Variants in ITK observed in about 807,000 individuals in gnomAD.
The protein encoded by ITK is tyrosine-protein kinase ITK/TSK.
Under a neutral mutation model 87.6 loss-of-function variants are expected in ITK, and 45 were observed. The observed-to-expected ratio is 0.51, with a 90% CI of 0.40 to 0.66. ITK has a LOEUF of 0.66. ITK is among the 30% of genes least tolerant of loss of function. The pLI, the probability that ITK is intolerant of heterozygous loss-of-function variation, is 0.00. For synonymous variants in ITK, 303 were observed against 273.6 expected (o/e 1.11, Z -1.06); for missense variants, 605 against 766.3 (o/e 0.79, Z 2.48).
chr5:157,243,928 G>T (rs1754966216), intron 12 of ITK, 134 bp downstream of exon 12: 4 of 840,616 alleles, frequency 4.8e-6, no homozygotes, highest in South Asian at 1.4e-5. Context: ...ATTGCACAGA[G>T]AATACAATCA....
At position 157,238,203 on chromosome 5, in the gene ITK, A is replaced by ACTCTGCT; in HGVS notation, c.851+14_851+20dup. The ACTCTGCT allele has an allele frequency of 1.9e-6, 3 of 1,601,106 alleles. No individual in the cohort carries two copies. The East Asian group carries it at 6.7e-5, about 36-fold the overall frequency. On this transcript the variant is annotated intron_variant, in intron 9 of 16. Coordinates refer to ENST00000422843, the MANE Select transcript of ITK (RefSeq NM_005546.4). ...AAGGCTGTTGTAAGGTATGGAGCTA[A>ACTCTGCT]CTCTGCTCAGCAAAGTGGAGAGAAA... is the stretch of plus-strand genomic sequence containing the variant.
intron 1 of ITK, among the ~76,000 whole-genome samples, chr5:157,208,103 A>G (rs1754118440): frequency 6.6e-6 from 1 of 152,226 alleles, no homozygotes. Flanking sequence ...ATCCAGAAGC[A>G]CTTTCCTAAC....
At chr5:157,206,384 G>A (rs1754080093) in intron 1 of ITK, among the ~76,000 whole-genome samples, 1 of 152,150 alleles carries the variant, frequency 6.6e-6, no homozygotes. Flanking sequence ...TTGGTATCAG[G>A]ATGATGCTGG....
rs927124680 is a variant in ITK, at chr5:157,235,189, T to C, written c.768+2795T>C. Reference sequence around the variant, plus strand: ...CACTTAAGGGGGACCTGGGTGATCATAAGCATCACTGCAGGAGCTTTTTAA... The same window carrying C: ...CACTTAAGGGGGACCTGGGTGATCACAAGCATCACTGCAGGAGCTTTTTAA... On this transcript the variant is annotated intron_variant, in intron 8 of 16. Coordinates refer to ENST00000422843, the MANE Select transcript of ITK (RefSeq NM_005546.4). Among the ~76,000 whole-genome samples, 6 of 152,192 alleles carry C rather than the reference T, an allele frequency of 3.9e-5. No individual in the cohort carries two copies. In the East Asian group the frequency reaches 9.6e-4, roughly 24 times the overall value.
chr5:157,245,915 G>A lies in ITK; in HGVS notation c.1549G>A (p.Gly517Ser), dbSNP rs1269237978. Reference sequence around the variant, plus strand: ...GGATGATCAGTACACCAGTTCCACAGGCACCAAATTCCCGGTGAAGTGGGC... The same window carrying A: ...GGATGATCAGTACACCAGTTCCACAAGCACCAAATTCCCGGTGAAGTGGGC... ...VLDDQYTSSTGTKFPVKWASP... is the reference protein window; with the variant it reads ...VLDDQYTSSTSTKFPVKWASP... The change falls in exon 15 of 17, where the codon GGC becomes AGC. Residue 517 changes from glycine to serine, a missense_variant. By Grantham distance (56) the Gly-to-Ser change is moderately conservative. Coordinates refer to ENST00000422843, the MANE Select transcript of ITK (RefSeq NM_005546.4). The A allele has an allele frequency of 6.2e-7, 1 of 1,614,184 alleles. No homozygotes were observed. Among genetic ancestry groups the A allele is most frequent in the South Asian group, 1.1e-5 (1 of 91,088 alleles).
intron 6 of ITK, chr5:157,224,265 C>T (rs1754486179): frequency 6.7e-6 from 1 of 148,496 alleles, no homozygotes; most frequent in South Asian, 2.1e-4. Flanking sequence ...GCCTGAGCGA[C>T]AGAGCAAGAC....
At chr5:157,236,694 T>A (rs1754782036) in intron 8 of ITK, among the ~76,000 whole-genome samples, 1 of 152,204 alleles carries the variant, frequency 6.6e-6, no homozygotes, top group Non-Finnish European at 1.5e-5. Context: ...GAGTGTTAGA[T>A]AGGAAGTACT....
At chr5:157,216,726 A>G (rs1754305515) in intron 4 of ITK, among the ~76,000 whole-genome samples, 1 of 152,180 alleles carries the variant, frequency 6.6e-6, no homozygotes, top group Non-Finnish European at 1.5e-5. Context: ...GCTCACAGCT[A>G]GTATTGGTGA....
chr5:157,187,275 C>CAGCTTTAT (rs1444309940), intron 1 of ITK, among the ~76,000 whole-genome samples: 3 of 152,200 alleles, frequency 2.0e-5, no homozygotes, highest in Non-Finnish European at 4.4e-5. Flanking sequence ...ATTGAACTAT[C>CAGCTTTAT]AGCTTTATGA....
intron 6 of ITK, among the ~76,000 whole-genome samples, chr5:157,227,097 G>C (rs528157176): frequency 6.6e-6 from 1 of 152,288 alleles, no homozygotes; most frequent in South Asian, 2.1e-4. Context: ...TAGGATTACA[G>C]GTGTGAGCCA....
intron 1 of ITK, among the ~76,000 whole-genome samples, chr5:157,182,849 C>A (rs1014081686): frequency 3.9e-5 from 6 of 152,136 alleles, no homozygotes; most frequent in Non-Finnish European, 8.8e-5. Context: ...GTGAATTCAG[C>A]TCAATATTAT....
chr5:157,191,332 C>A (rs984142180), intron 1 of ITK, among the ~76,000 whole-genome samples: 3 of 151,986 alleles, frequency 2.0e-5, no homozygotes, highest in African/African-American at 4.8e-5. Flanking sequence ...TGGTGTATAA[C>A]CTGCGTCAGG....
In ITK at chr5:157,213,552, C is replaced by CTT. The variant is rs143962660; in HGVS notation, c.326-631_326-630dup. 1,531 of 433,492 alleles carry CTT rather than the reference C, an allele frequency of 3.5e-3. 1 individual carries two copies. Among genetic ancestry groups the CTT allele is most frequent in the Non-Finnish European group, 4.7e-3 (1,012 of 216,666 alleles). The allele number at this position is 433,492 out of a possible 1,614,324, so 26.9% of individuals were successfully genotyped here. A position where few individuals can be genotyped will look rare whatever the true frequency, so the allele number is the denominator to read the frequency against. ...GACACCATGCCCAGCTAACTTTTTT[C>CTT]TTTTTTTTTGGTAGAAAAGGGGTCT... On this transcript the variant is annotated intron_variant, in intron 3 of 16. Transcript: ENST00000422843.
intron 5 of ITK, among the ~76,000 whole-genome samples, chr5:157,219,050 C>T (rs1754359007): frequency 6.6e-6 from 1 of 150,938 alleles, no homozygotes; most frequent in Non-Finnish European, 1.5e-5. Context: ...GGATCATGAC[C>T]TTTAGGTAGG....
intron 2 of ITK, among the ~76,000 whole-genome samples, chr5:157,209,947 A>G (rs1467447727): frequency 6.8e-6 from 1 of 147,170 alleles, no homozygotes; most frequent in Non-Finnish European, 1.5e-5. Flanking sequence ...TTTTTTTGAG[A>G]CAGAGTCTCA....
intron 11 of ITK, 31 bp downstream of exon 11, chr5:157,241,751 T>C (rs1367194122): frequency 1.9e-6 from 3 of 1,565,108 alleles, no homozygotes. Context: ...TGTAAACTCA[T>C]GTCCCTAAAG....
intron 1 of ITK, among the ~76,000 whole-genome samples, chr5:157,208,077 G>A (rs1170152709): frequency 6.6e-6 from 1 of 152,182 alleles, no homozygotes; most frequent in Admixed American, 6.5e-5. Context: ...CTAGGTACCT[G>A]TGAGAGGCTT....
chr5:157,244,227 T>A (rs1754973307), intron 12 of ITK, 35 bp from the exon 13 acceptor site: 6 of 1,552,824 alleles, frequency 3.9e-6, no homozygotes, highest in Non-Finnish European at 5.3e-6. Flanking sequence ...GGAGACTGAG[T>A]TTAGGCCATC....
intron 1 of ITK, among the ~76,000 whole-genome samples, chr5:157,182,223 G>T (rs915537192): frequency 6.6e-6 from 1 of 152,168 alleles, no homozygotes; most frequent in Non-Finnish European, 1.5e-5. Flanking sequence ...TTAGGTGCCT[G>T]ATGGTCACTT....
Sources: allele counts gnomAD v4.1 joint callset (sites outside exome capture counted in the v4.1 genomes callset), GRCh38; gene constraint gnomAD v4.1.1; transcripts MANE v1.5; gene names NCBI Gene and HGNC (gene_info 2026-07-23, HGNC 2026-07-21).